Variants in HDAC4 observed in about 807,000 individuals in gnomAD.
HDAC4 encodes the protein histone deacetylase 4.
A neutral mutation model predicts 135.1 loss-of-function variants in HDAC4; 16 were observed. The ratio of observed to expected loss-of-function variants is 0.12; its 90% CI spans 0.08 to 0.18. The LOEUF (loss-of-function observed/expected upper bound fraction) is 0.18. HDAC4 is among the 10% of genes least tolerant of loss of function. The probability of loss-of-function intolerance (pLI) is 1.00; values close to 1 mark genes in which losing one functional copy is unlikely to be tolerated. For missense variants in HDAC4, 1,143 were observed against 1,511.8 expected, an observed-to-expected ratio of 0.76 and a Z score of 4.05; for synonymous variants, 685 against 653.4, an observed-to-expected ratio of 1.05 and a Z score of -0.74.
rs576980433 is a variant in HDAC4 at position 239,321,848 on chromosome 2, T to C, written c.22+30830A>G. On this transcript the variant is annotated intron_variant, in intron 2 of 26. Transcript: ENST00000543185. ...TTCTCAGGGCAGCATCTATCCCTGA[T>C]GGCACATCCGGTTGTTAAGGGGGAG... 2.6e-5 allele frequency among the ~76,000 whole-genome samples: 4 copies of C among 152,314 alleles called. No homozygotes were observed. In the South Asian group the frequency reaches 8.3e-4, roughly 32 times the overall value.
chr2:239,233,563 C>T (rs2047721525), intron 3 of HDAC4, among the ~76,000 whole-genome samples: 2 of 152,088 alleles, frequency 1.3e-5, no homozygotes, highest in African/African-American at 2.4e-5. Context: ...ATGATATGCT[C>T]ACCTGACGTT....
intron 12 of HDAC4, among the ~76,000 whole-genome samples, chr2:239,125,658 G>GCTCAT (rs1255288221): frequency 6.6e-6 from 1 of 152,200 alleles, no homozygotes; most frequent in African/African-American, 2.4e-5. Flanking sequence ...GTTCATAGCA[G>GCTCAT]CTCATCTCAT....
At chr2:239,090,489 T>C (rs1455085803) in intron 17 of HDAC4, among the ~76,000 whole-genome samples, 1 of 150,236 alleles carries the variant, frequency 6.7e-6, no homozygotes, top group East Asian at 2.0e-4. Context: ...TCAGCTTGAG[T>C]ATCTCTGATC....
In HDAC4 at chr2:239,115,043, C is replaced by T; in HGVS notation, c.1791+10G>A. 6.2e-7 allele frequency: 1 copy of T among 1,608,938 alleles called. No homozygotes were observed. The stretch of plus-strand genomic sequence containing the variant: ...GCCAGCCTTCTGGTGCCCTCCCCGC[C>T]TGCGGTCACCTGTCTGAAGAGCAGC... On this transcript the variant is annotated intron_variant, in intron 13 of 26. Coordinates refer to ENST00000543185, the MANE Select transcript of HDAC4 (RefSeq NM_001378414.1). This position sits in a 1 kb window ranked among gnomAD's most constrained non-coding sequence, Gnocchi z 6.3.
chr2:239,138,929 A>G (rs1188848770), intron 9 of HDAC4, among the ~76,000 whole-genome samples: 1 of 151,696 alleles, frequency 6.6e-6, no homozygotes, highest in Non-Finnish European at 1.5e-5. Context: ...CCTGGGCGCC[A>G]CTCCTCCCTG....
chr2:239,210,357 C>T (rs1429272378), intron 3 of HDAC4, among the ~76,000 whole-genome samples: 2 of 152,068 alleles, frequency 1.3e-5, no homozygotes, highest in Non-Finnish European at 2.9e-5. Flanking sequence ...CTGCAGAAAA[C>T]GACGTCAGTA....
intron 18 of HDAC4, chr2:239,089,723 T>C: frequency 9.4e-6 from 4 of 424,218 alleles, no homozygotes. Flanking sequence ...AGAAGCTCTT[T>C]GGAGCTTTTT....
intron 22 of HDAC4, among the ~76,000 whole-genome samples, chr2:239,075,052 T>C (rs1323783236): frequency 1.3e-5 from 2 of 151,242 alleles, no homozygotes; most frequent in Non-Finnish European, 2.9e-5. Context: ...TGAAACCCGG[T>C]CTCTACTAAA....
rs571988048 is a variant in HDAC4 at position 239,060,863 on chromosome 2, G to A, written c.3003+5859C>T. Reference sequence around the variant, plus strand: ...GCACGCAGGCTCCTTTACAGAGGGGGCCCCAGGGAAGGGGGAGCGCTGAGA... The same window carrying A: ...GCACGCAGGCTCCTTTACAGAGGGGACCCCAGGGAAGGGGGAGCGCTGAGA... On this transcript the variant is annotated intron_variant, in intron 24 of 26. Transcript: ENST00000543185. Among the ~76,000 whole-genome samples, 10 of 152,352 alleles carry A rather than the reference G, an allele frequency of 6.6e-5. No individual in the cohort carries two copies. In the East Asian group the frequency reaches 1.7e-3, roughly 27 times the overall value.
At chr2:239,377,442 C>G (rs1415696796) in intron 1 of HDAC4, among the ~76,000 whole-genome samples, 1 of 152,256 alleles carries the variant, frequency 6.6e-6, no homozygotes, top group African/African-American at 2.4e-5. Context: ...GCCCCGACGC[C>G]TGCATCCTCT....
At chr2:239,150,579 TCACA>T (rs879658334) in intron 7 of HDAC4, among the ~76,000 whole-genome samples, 5,102 of 148,352 alleles carry the variant, frequency 0.034, 259 homozygotes, top group South Asian at 0.048. Flanking sequence ...TACCACACCT[TCACA>T]TACAGCAGCA....
At chr2:239,076,617 G>A (rs372944591) in intron 22 of HDAC4, among the ~76,000 whole-genome samples, 10 of 152,156 alleles carry the variant, frequency 6.6e-5, no homozygotes, top group African/African-American at 2.4e-4. Flanking sequence ...CAAGCCTCTG[G>A]GGACTCCGTG....
chr2:239,384,108 C>A (rs1695619585), intron 1 of HDAC4, among the ~76,000 whole-genome samples: 1 of 152,176 alleles, frequency 6.6e-6, no homozygotes, highest in African/African-American at 2.4e-5. Flanking sequence ...TCTGCAAAGG[C>A]AGAAAACCCA....
At chr2:239,183,944 A>G (rs927174165) in intron 4 of HDAC4, among the ~76,000 whole-genome samples, 7 of 152,012 alleles carry the variant, frequency 4.6e-5, no homozygotes, top group African/African-American at 1.7e-4. Context: ...CCTGAAAGGA[A>G]GAGTCACACT....
Position 239,134,660 on chromosome 2 carries a change from C to T in HDAC4, c.979-17G>A, listed in dbSNP as rs373009251. On this transcript the variant is annotated splice_polypyrimidine_tract_variant and intron_variant, in intron 9 of 26. Transcript: ENST00000543185. Reference sequence around the variant, plus strand: ...CAAACTCGTCTGGGGACAGAACACACGATGACCATCACAGTCTGTCACGGC... The same window carrying T: ...CAAACTCGTCTGGGGACAGAACACATGATGACCATCACAGTCTGTCACGGC... 3.7e-4 allele frequency: 579 copies of T among 1,583,066 alleles called. No homozygotes were observed. Among genetic ancestry groups the T allele is most frequent in the Non-Finnish European group, 4.3e-4 (490 of 1,151,694 alleles).
chr2:239,279,820 G>C (rs994757160), intron 2 of HDAC4, among the ~76,000 whole-genome samples: 1 of 152,222 alleles, frequency 6.6e-6, no homozygotes, highest in Non-Finnish European at 1.5e-5. Context: ...CGCGCCCTCA[G>C]GATGAATGGC....
chr2:239,214,643 C>T (rs1038776983), intron 3 of HDAC4, among the ~76,000 whole-genome samples: 4 of 152,258 alleles, frequency 2.6e-5, no homozygotes, highest in Admixed American at 2.0e-4. Flanking sequence ...AATGCTGGAG[C>T]TGTGAGCAGC....
intron 2 of HDAC4, among the ~76,000 whole-genome samples, chr2:239,311,692 T>C (rs1228618678): frequency 6.6e-6 from 1 of 152,180 alleles, no homozygotes; most frequent in African/African-American, 2.4e-5. Context: ...ACTTCAAGTT[T>C]CTGTTCTACG....
intron 1 of HDAC4, among the ~76,000 whole-genome samples, chr2:239,359,766 C>T (rs1327718287): frequency 6.6e-6 from 1 of 152,184 alleles, no homozygotes; most frequent in African/African-American, 2.4e-5. Flanking sequence ...GTGGGAGCTG[C>T]GATTTAGAGA....
Sources: gnomAD v4.1 joint callset for allele counts (sites outside exome capture counted in the v4.1 genomes callset) on GRCh38, gnomAD v4.1.1 for gene constraint, Gnocchi (gnomAD v3.1) non-coding constraint, MANE v1.5 for transcripts, NCBI Gene and HGNC (gene_info 2026-07-23, HGNC 2026-07-21) for gene names.